The following LINGO2 variants were observed in gnomAD, a reference collection of about 807,000 sequenced individuals.
LINGO2 encodes the protein leucine rich repeat and Ig domain containing 2.
LINGO2 carries 14 observed loss-of-function variants against 30.6 expected under a neutral mutation model. That is an observed-to-expected ratio of 0.46 (90% CI 0.30 to 0.72). The LOEUF (loss-of-function observed/expected upper bound fraction) is 0.72, where lower values mean the gene tolerates loss of function less well. Among genes scored for constraint, LINGO2 ranks in the 30% least tolerant of loss-of-function variants. LINGO2 has a pLI of 0.07. For synonymous variants in LINGO2, 317 were observed against 288.5 expected (o/e 1.10, Z -1.00); for missense variants, 729 against 751.7 (o/e 0.97, Z 0.35).
chr9:28,200,729 T>C lies in LINGO2; in HGVS notation c.-87+94479A>G, dbSNP rs144561316. 3.1e-3 allele frequency among the ~76,000 whole-genome samples: 465 copies of C among 152,290 alleles called. 12 individuals carry two copies. In the South Asian group the frequency reaches 0.055, roughly 18 times the overall value. On this transcript the variant is annotated intron_variant, in intron 4 of 5. Transcript: ENST00000379992. ...AGAATAGAAGTAACACATAAATAAG[T>C]ACCCTCCAGTCATCTATGTCTTACC...
rs139889828 is a variant in LINGO2, at chr9:28,060,700, T to C, written c.-86-48295A>G. Among the ~76,000 whole-genome samples the C allele has an allele frequency of 5.6e-3, 857 of 152,172 alleles. 10 individuals are homozygous for C. Among genetic ancestry groups the C allele is most frequent in the African/African-American group, 0.019 (806 of 41,536 alleles). ...TTTCTTAAATGTAAGTGCAAAGAAG[T>C]GTAATAGAATTTAAACCTGACACCA... On this transcript the variant is annotated intron_variant, in intron 4 of 5. Transcript: ENST00000379992.
chr9:28,606,441 A>T (rs1376416482), intron 1 of LINGO2, among the ~76,000 whole-genome samples: 1 of 152,020 alleles, frequency 6.6e-6, no homozygotes, highest in Admixed American at 6.6e-5. Flanking sequence ...ACTGGTGAGG[A>T]AAGTAATATA....
chr9:29,143,412 T>G, the LINGO2 span, among the ~76,000 whole-genome samples: 1 of 152,088 alleles, frequency 6.6e-6, no homozygotes, highest in Non-Finnish European at 1.5e-5. Flanking sequence ...CTTCAAAACA[T>G]ATTATGAAGC....
chr9:28,461,439 T>C (rs1668682405), intron 2 of LINGO2, among the ~76,000 whole-genome samples: 1 of 152,204 alleles, frequency 6.6e-6, no homozygotes, highest in African/African-American at 2.4e-5. Flanking sequence ...AGCAACACAT[T>C]TTGTATCAAA....
intron 4 of LINGO2, among the ~76,000 whole-genome samples, chr9:28,210,663 T>C (rs1169883019): frequency 2.6e-5 from 4 of 151,670 alleles, no homozygotes; most frequent in Non-Finnish European, 4.4e-5. Flanking sequence ...GTGTTTTATG[T>C]AGACGCAGAG....
At chr9:28,104,342 C>G (rs942452273) in intron 4 of LINGO2, among the ~76,000 whole-genome samples, 1 of 126,788 alleles carries the variant, frequency 7.9e-6, no homozygotes, top group African/African-American at 2.9e-5. Flanking sequence ...ATAAGTGTAA[C>G]AGTTATTACC....
the LINGO2 span, among the ~76,000 whole-genome samples, chr9:28,727,833 T>C: frequency 7.9e-5 from 12 of 151,968 alleles, no homozygotes; most frequent in Admixed American, 7.9e-4. Context: ...AGGAGAAACA[T>C]AGATAGAGAG....
the LINGO2 span, among the ~76,000 whole-genome samples, chr9:29,019,420 T>C: frequency 6.6e-6 from 1 of 152,206 alleles, no homozygotes; most frequent in Admixed American, 6.6e-5. Flanking sequence ...GTTAAACTTA[T>C]GACACAGTTT....
intron 2 of LINGO2, among the ~76,000 whole-genome samples, chr9:28,436,205 G>T (rs1261852355): frequency 2.0e-5 from 3 of 152,070 alleles, no homozygotes; most frequent in African/African-American, 7.2e-5. Context: ...GTAAAGTCAA[G>T]ACTTAAATTT....
chr9:29,170,277 A>C, the LINGO2 span, among the ~76,000 whole-genome samples: 2 of 152,310 alleles, frequency 1.3e-5, no homozygotes, highest in African/African-American at 4.8e-5. Context: ...CATAAAAAAG[A>C]ATAAAACTAT....
At chr9:29,105,991 T>C in the LINGO2 span, among the ~76,000 whole-genome samples, 2 of 152,196 alleles carry the variant, frequency 1.3e-5, no homozygotes, top group Non-Finnish European at 2.9e-5. Context: ...TTTTATTTGA[T>C]CCTTACAAAG....
the LINGO2 span, among the ~76,000 whole-genome samples, chr9:29,208,184 A>G: frequency 6.6e-6 from 1 of 152,014 alleles, no homozygotes; most frequent in Admixed American, 6.6e-5. Context: ...GACAATAATG[A>G]AAGCAAGGGA....
intron 4 of LINGO2, among the ~76,000 whole-genome samples, chr9:28,040,697 C>A (rs1257966389): frequency 6.6e-6 from 1 of 152,076 alleles, no homozygotes; most frequent in African/African-American, 2.4e-5. Flanking sequence ...AAATCTCAGA[C>A]AACATTCAAA....
At chr9:28,204,294 T>A (rs1045379412) in intron 4 of LINGO2, among the ~76,000 whole-genome samples, 9 of 152,176 alleles carry the variant, frequency 5.9e-5, no homozygotes, top group African/African-American at 2.2e-4. Flanking sequence ...ACGTATTCCC[T>A]GTGAGTCATT....
chr9:28,542,969 A>G (rs1403076652), intron 1 of LINGO2, among the ~76,000 whole-genome samples: 2 of 152,106 alleles, frequency 1.3e-5, no homozygotes, highest in African/African-American at 4.8e-5. Flanking sequence ...CGTGTAGGGC[A>G]CAGAAAACAA....
rs575662044 is a variant in LINGO2 at position 28,337,218 on chromosome 9, A to G, written c.-246+35618T>C. On this transcript the variant is annotated intron_variant, in intron 3 of 5. Transcript: ENST00000379992. Reference sequence around the variant, plus strand: ...CTTTGTGCTTTTCTGTATTTTAGACATTTTCTACAATGCTTATGTATTATT... The same window carrying G: ...CTTTGTGCTTTTCTGTATTTTAGACGTTTTCTACAATGCTTATGTATTATT... Among the ~76,000 whole-genome samples the G allele has an allele frequency of 2.6e-5, 4 of 151,708 alleles. No homozygotes were observed. The South Asian group carries it at 8.3e-4, about 32-fold the overall frequency.
intron 1 of LINGO2, among the ~76,000 whole-genome samples, chr9:28,505,178 T>A (rs1357358296): frequency 6.6e-6 from 1 of 151,904 alleles, no homozygotes; most frequent in African/African-American, 2.4e-5. Flanking sequence ...ACAAATTATT[T>A]TATGTTTAAG....
chr9:28,383,796 TAA>T (rs1280620739), intron 2 of LINGO2, among the ~76,000 whole-genome samples: 1 of 151,806 alleles, frequency 6.6e-6, no homozygotes, highest in Non-Finnish European at 1.5e-5. Context: ...TAAAATTAAT[TAA>T]ACAGAGATTT....
At chr9:28,587,952 T>C (rs919455882) in intron 1 of LINGO2, among the ~76,000 whole-genome samples, 1 of 151,982 alleles carries the variant, frequency 6.6e-6, no homozygotes. Flanking sequence ...GGATGAAGAA[T>C]TGCTGTAGTA....
Sources: gnomAD v4.1 joint callset for allele counts (sites outside exome capture counted in the v4.1 genomes callset) on GRCh38, gnomAD v4.1.1 for gene constraint, MANE v1.5 for transcripts, NCBI Gene and HGNC (gene_info 2026-07-23, HGNC 2026-07-21) for gene names.